The following TMEM164 variants were observed in gnomAD, a reference collection of about 807,000 sequenced individuals.
TMEM164 encodes the protein transmembrane protein 164.
Under a neutral mutation model 18.8 loss-of-function variants are expected in TMEM164, and 4 were observed. That is an observed-to-expected ratio of 0.21 (90% confidence interval 0.10 to 0.49). The LOEUF is 0.49. TMEM164 is among the 20% of genes least tolerant of loss of function. TMEM164 has a pLI of 0.98. For missense variants in TMEM164, 108 were observed against 239.9 expected (o/e 0.45, Z 3.63); for synonymous variants, 86 against 101.7 (o/e 0.85, Z 0.93).
chrX:110,147,475 G>A (rs997325158), intron 5 of TMEM164, among the ~76,000 whole-genome samples: 4 of 111,511 alleles, frequency 3.6e-5, no homozygotes, highest in African/African-American at 1.3e-4. Flanking sequence ...CCTGTCTCTT[G>A]CCTACAGCTT....
At chrX:110,099,387 T>C (rs886614825) in intron 3 of TMEM164, among the ~76,000 whole-genome samples, 2 of 111,598 alleles carry the variant, frequency 1.8e-5, no homozygotes, top group Non-Finnish European at 3.8e-5. Context: ...CTAAGACTTA[T>C]AGTTTTATAT....
At chrX:110,096,619 C>T (rs1383664971) in intron 3 of TMEM164, among the ~76,000 whole-genome samples, 6 of 112,325 alleles carry the variant, frequency 5.3e-5, no homozygotes, top group Admixed American at 9.4e-5. Flanking sequence ...GGGAATTCCC[C>T]GACCCCTTGT....
At chrX:110,180,909 T>C (rs1402724030), downstream of TMEM164, among the ~76,000 whole-genome samples, 1 of 112,022 alleles carries the variant, frequency 8.9e-6, no homozygotes. Flanking sequence ...CTGTTGTCCC[T>C]TCTCTATACT....
intron 2 of TMEM164, among the ~76,000 whole-genome samples, chrX:110,051,233 A>G (rs1935539045): frequency 1.8e-5 from 2 of 111,974 alleles, no homozygotes; most frequent in South Asian, 3.7e-4. Context: ...CCGGCTGTAC[A>G]TTGAAATCAG....
chrX:110,018,522 G>A (rs1422585575), intron 2 of TMEM164, among the ~76,000 whole-genome samples: 1 of 112,256 alleles, frequency 8.9e-6, no homozygotes, highest in African/African-American at 3.2e-5. Flanking sequence ...TGCAACTCTG[G>A]GAAAGTTAAT....
At chrX:110,050,455 C>A (rs34247395) in intron 2 of TMEM164, among the ~76,000 whole-genome samples, 51,139 of 110,017 alleles carry the variant, frequency 0.46, 9,934 homozygotes, top group Non-Finnish European at 0.62. Flanking sequence ...ATTTTGTCCA[C>A]TTTCAGCTCA....
At chrX:110,071,907 A>G (rs1039662799) in intron 3 of TMEM164, among the ~76,000 whole-genome samples, 7 of 109,790 alleles carry the variant, frequency 6.4e-5, no homozygotes, top group Non-Finnish European at 1.3e-4. Context: ...TCTTTTAAAA[A>G]AAACAAGTTT....
At chrX:110,170,194 C>T (rs892718994) in intron 5 of TMEM164, among the ~76,000 whole-genome samples, 50 of 112,585 alleles carry the variant, frequency 4.4e-4, no homozygotes, top group Non-Finnish European at 7.1e-4. Flanking sequence ...CTCCTTAAGT[C>T]CTATTTGTCC....
rs949671542 is a variant in TMEM164 at position 110,020,802 on chromosome X, C to G, written c.390+16638C>G. 8.9e-6 allele frequency: 4 copies of G among 450,756 alleles called. No individual in the cohort carries two copies. The African/African-American group carries it at 1.1e-4, about 12-fold the overall frequency. 37.1% of individuals were successfully genotyped at this position (450,756 alleles called of 1,213,427 possible). On this transcript the variant is annotated intron_variant, in intron 2 of 6. Transcript: ENST00000372068. ...GGCATCAGTGTTGGTGGATACAGAACATTGGGAAACAACCCATTAATAGCA... is the reference window on the plus strand; with the variant it reads ...GGCATCAGTGTTGGTGGATACAGAAGATTGGGAAACAACCCATTAATAGCA...
chrX:110,129,982 A>G (rs1312189850), intron 4 of TMEM164, among the ~76,000 whole-genome samples: 1 of 112,543 alleles, frequency 8.9e-6, no homozygotes, highest in Non-Finnish European at 1.9e-5. Context: ...ATGTGGTTGT[A>G]AGACTGTAAG....
chrX:110,159,851 C>A (rs1265656088), intron 5 of TMEM164, among the ~76,000 whole-genome samples: 2 of 111,723 alleles, frequency 1.8e-5, no homozygotes, highest in African/African-American at 6.5e-5. Context: ...AGAAATCACA[C>A]CCTCAGTGGA....
At chrX:110,088,001 A>G (rs2065877831) in intron 3 of TMEM164, among the ~76,000 whole-genome samples, 1 of 111,959 alleles carries the variant, frequency 8.9e-6, no homozygotes, top group Non-Finnish European at 1.9e-5. Flanking sequence ...GCAGCCTGAC[A>G]CGTGATCTTG....
intron 2 of TMEM164, among the ~76,000 whole-genome samples, chrX:110,031,850 CT>C (rs936871206): frequency 2.3e-4 from 24 of 105,868 alleles, no homozygotes; most frequent in African/African-American, 6.8e-4. Flanking sequence ...TAGTCCTGCT[CT>C]TTTTTTTTCT....
intron 5 of TMEM164, among the ~76,000 whole-genome samples, chrX:110,160,230 C>T (rs6655126): frequency 0.051 from 5,692 of 111,863 alleles, 364 homozygotes; most frequent in African/African-American, 0.18. Context: ...GAAGTCACAT[C>T]TTTATTTTCA....
intron 3 of TMEM164, among the ~76,000 whole-genome samples, chrX:110,084,366 A>ATATATAAGTATATATATATAGT (rs1185953773): frequency 1.7e-5 from 1 of 60,309 alleles, no homozygotes; most frequent in Non-Finnish European, 2.8e-5. Flanking sequence ...TATATAGTAT[A>ATATATAAGTATATATATATAGT]GTATATATAT....
At chrX:110,070,827 A>G (rs2065577384) in intron 3 of TMEM164, among the ~76,000 whole-genome samples, 1 of 111,864 alleles carries the variant, frequency 8.9e-6, no homozygotes, top group African/African-American at 3.2e-5. Context: ...TCCCCTTTCT[A>G]TTCCTAAGTG....
chrX:110,171,552 C>A, intron 6 of TMEM164, 32 bp downstream of exon 6: 1 of 1,077,211 alleles, frequency 9.3e-7, no homozygotes, highest in Non-Finnish European at 1.3e-6. Context: ...TCTATCCCCT[C>A]TGTTTGCAGT....
chrX:110,063,499 G>C (rs1936202088), intron 2 of TMEM164, among the ~76,000 whole-genome samples: 1 of 111,402 alleles, frequency 9.0e-6, no homozygotes, highest in South Asian at 3.8e-4. Context: ...GAGAAGGTGG[G>C]AACCTGGAAC....
At chrX:110,133,300 G>A (rs1313502836) in intron 4 of TMEM164, among the ~76,000 whole-genome samples, 2 of 111,437 alleles carry the variant, frequency 1.8e-5, no homozygotes, top group African/African-American at 6.5e-5. Context: ...GCAGGCACCT[G>A]CCACCACACC....
Sources: allele counts gnomAD v4.1 joint callset (sites outside exome capture counted in the v4.1 genomes callset), GRCh38; gene constraint gnomAD v4.1.1; transcripts MANE v1.5; gene names NCBI Gene and HGNC (gene_info 2026-07-23, HGNC 2026-07-21).